TBCK: variants seen among roughly 807,000 people sequenced by gnomAD.
TBCK encodes the protein TBC domain-containing protein kinase-like protein.
In TBCK, 99 loss-of-function variants were observed where a neutral mutation model predicts 113.4. That is an observed-to-expected ratio of 0.87 (90% CI 0.74 to 1.03). The LOEUF (loss-of-function observed/expected upper bound fraction) is 1.03, where lower values mean the gene tolerates loss of function less well. Among genes scored for constraint, TBCK ranks in the 50% least tolerant of loss-of-function variants. The pLI, the probability that TBCK is intolerant of heterozygous loss-of-function variation, is 0.00. For synonymous variants in TBCK, 369 were observed against 370.8 expected (o/e 1.00, Z 0.05); for missense variants, 1,045 against 1,061.3 (o/e 0.98, Z 0.21).
chr4:106,295,310 T>C (rs926821703), intron 2 of TBCK, 144 bp from the exon 3 acceptor site: 2 of 518,292 alleles, frequency 3.9e-6, no homozygotes, highest in Admixed American at 6.7e-5. Flanking sequence ...TTAACTACAT[T>C]ATTACCAAGT....
intron 23 of TBCK, among the ~76,000 whole-genome samples, chr4:106,127,453 A>G (rs1745365365): frequency 6.6e-6 from 1 of 152,140 alleles, no homozygotes; most frequent in Admixed American, 6.6e-5. Flanking sequence ...CTGTGTTTTT[A>G]TATTCTTTTT....
intron 20 of TBCK, among the ~76,000 whole-genome samples, chr4:106,210,160 C>G (rs138013925): frequency 6.6e-6 from 1 of 152,038 alleles, no homozygotes. Context: ...GAATCTCCTT[C>G]TAGACAAAAG....
At chr4:106,303,779 T>A (rs908057537) in intron 2 of TBCK, among the ~76,000 whole-genome samples, 4 of 152,138 alleles carry the variant, frequency 2.6e-5, no homozygotes, top group African/African-American at 9.7e-5. Flanking sequence ...TACCCCTTCT[T>A]TTTTGCCTGA....
intron 2 of TBCK, 65 bp from the exon 3 acceptor site, chr4:106,295,231 A>G: frequency 7.3e-7 from 1 of 1,375,862 alleles, no homozygotes; most frequent in Admixed American, 1.8e-5. Context: ...ACAAAATAAT[A>G]CTCTCCACTG....
At chr4:106,244,574 T>C in intron 11 of TBCK, 52 bp downstream of exon 11, 5 of 1,377,102 alleles carry the variant, frequency 3.6e-6, no homozygotes, top group Non-Finnish European at 4.8e-6. Context: ...ACCATAGAAT[T>C]ATTACCATGT....
intron 19 of TBCK, among the ~76,000 whole-genome samples, chr4:106,215,393 A>G (rs1339001739): frequency 6.6e-6 from 1 of 152,176 alleles, no homozygotes; most frequent in Non-Finnish European, 1.5e-5. Context: ...AATGGACTAA[A>G]GGCTCCAGTT....
At chr4:106,069,518 A>G (rs1316324339) in intron 25 of TBCK, among the ~76,000 whole-genome samples, 1 of 152,116 alleles carries the variant, frequency 6.6e-6, no homozygotes, top group Non-Finnish European at 1.5e-5. Context: ...CTGTTTTGGT[A>G]CCAGTACCAT....
chr4:106,100,661 G>T (rs898315454), intron 24 of TBCK, among the ~76,000 whole-genome samples: 1 of 152,068 alleles, frequency 6.6e-6, no homozygotes, highest in African/African-American at 2.4e-5. Context: ...ATGCATTAAA[G>T]TAATTTTTCT....
chr4:106,042,411 G>C lies in TBCK; in HGVS notation c.*4159C>G, dbSNP rs1733919521. On this transcript the variant is annotated 3_prime_UTR_variant, in exon 26 of 26. Coordinates refer to ENST00000394708, the MANE Select transcript of TBCK (RefSeq NM_001163435.3). ...GTCTCACTCTGTCTCCCAGGCTGGA[G>C]TGCAGTGGAGCGATCTCGGCTCACT... 6.6e-6 allele frequency: 1 copy of C among 151,852 alleles called. No homozygotes were observed. Among genetic ancestry groups the C allele is most frequent in the African/African-American group, 2.4e-5 (1 of 41,298 alleles). 9.4% of individuals were successfully genotyped at this position (151,852 alleles called of 1,614,324 possible). A position where few individuals can be genotyped will look rare whatever the true frequency, so the allele number is the denominator to read the frequency against.
chr4:106,228,007 A>ATGTT (rs1287771419), intron 19 of TBCK, among the ~76,000 whole-genome samples: 1 of 152,002 alleles, frequency 6.6e-6, no homozygotes, highest in Non-Finnish European at 1.5e-5. Flanking sequence ...TATGAGAAAA[A>ATGTT]TGTTACCTAC....
chr4:106,128,178 T>G (rs1745452709), intron 23 of TBCK, among the ~76,000 whole-genome samples: 1 of 152,192 alleles, frequency 6.6e-6, no homozygotes, highest in Admixed American at 6.5e-5. Flanking sequence ...AGGATACAAA[T>G]ATGTAATCAA....
chr4:106,075,162 C>A (rs1738025659), intron 25 of TBCK, among the ~76,000 whole-genome samples: 1 of 152,118 alleles, frequency 6.6e-6, no homozygotes, highest in African/African-American at 2.4e-5. Flanking sequence ...AAACAATAGG[C>A]CTACAGATCT....
intron 3 of TBCK, among the ~76,000 whole-genome samples, chr4:106,271,733 T>C (rs975597371): frequency 1.1e-4 from 16 of 142,722 alleles, no homozygotes; most frequent in Admixed American, 2.9e-4. Context: ...ATCTGGGCGA[T>C]AGAGCAAGAC....
At chr4:106,201,171 C>G (rs1754847711) in intron 20 of TBCK, among the ~76,000 whole-genome samples, 1 of 151,758 alleles carries the variant, frequency 6.6e-6, no homozygotes, top group Non-Finnish European at 1.5e-5. Context: ...CTTACCAGAA[C>G]CAGTTATCTC....
At chr4:106,062,399 A>G (rs1279242663) in intron 25 of TBCK, among the ~76,000 whole-genome samples, 3 of 151,844 alleles carry the variant, frequency 2.0e-5, no homozygotes. Context: ...CTTTTGATCT[A>G]TGACATTTGG....
chr4:106,088,505 A>G (rs151119467), intron 25 of TBCK, among the ~76,000 whole-genome samples: 1 of 152,352 alleles, frequency 6.6e-6, no homozygotes, highest in East Asian at 1.9e-4. Context: ...GTAGGAATGT[A>G]AATTAGTTCA....
At chr4:106,122,253 GC>G (rs1744502952) in intron 23 of TBCK, among the ~76,000 whole-genome samples, 2 of 152,010 alleles carry the variant, frequency 1.3e-5, no homozygotes, top group South Asian at 4.2e-4. Flanking sequence ...ACACCTCTAC[GC>G]AAATAAACTA....
chr4:106,073,278 G>A (rs939045668), intron 25 of TBCK, among the ~76,000 whole-genome samples: 3 of 152,154 alleles, frequency 2.0e-5, no homozygotes, highest in Non-Finnish European at 4.4e-5. Flanking sequence ...TACAGATGGG[G>A]TTTTGGTGTG....
chr4:106,050,729 T>C (rs949514485), intron 25 of TBCK, among the ~76,000 whole-genome samples: 1 of 152,010 alleles, frequency 6.6e-6, no homozygotes, highest in African/African-American at 2.4e-5. Flanking sequence ...GGTCTTCAAA[T>C]TGCACAACTA....
Sources: gnomAD v4.1 joint callset for allele counts (sites outside exome capture counted in the v4.1 genomes callset) on GRCh38, gnomAD v4.1.1 for gene constraint, MANE v1.5 for transcripts, NCBI Gene and HGNC (gene_info 2026-07-23, HGNC 2026-07-21) for gene names.